The following NECTIN1 variants were observed in gnomAD, a reference collection of about 807,000 sequenced individuals.
NECTIN1 encodes the protein nectin cell adhesion molecule 1.
NECTIN1 carries 23 observed loss-of-function variants against 48.0 expected under a neutral mutation model. The ratio of observed to expected loss-of-function variants is 0.48; its 90% CI spans 0.34 to 0.68. The LOEUF is 0.68. Ranked by LOEUF, NECTIN1 falls within the 30% of genes least tolerant of loss-of-function variation. The pLI is 0.01. For synonymous variants in NECTIN1, 270 were observed against 288.9 expected (o/e 0.93, Z 0.66); for missense variants, 591 against 709.9 (o/e 0.83, Z 1.90).
At chr11:119,686,771 C>T (rs1460461455) in intron 1 of NECTIN1, among the ~76,000 whole-genome samples, 1 of 152,196 alleles carries the variant, frequency 6.6e-6, no homozygotes, top group African/African-American at 2.4e-5. Context: ...GGGAGGCTTC[C>T]CGGAGCCCTC....
At position 119,725,905 on chromosome 11, in the gene NECTIN1, C is replaced by G. The variant is rs1865900810; in HGVS notation, c.79+2570G>C. On this transcript the variant is annotated intron_variant, in intron 1 of 5. Transcript: ENST00000264025. ...TGCCTCCTCCTAGGGCTCCCCCTAT[C>G]TCTTTTTGGGATGTAACCCACCTGC... is the stretch of plus-strand genomic sequence containing the variant. Among the ~76,000 whole-genome samples the G allele has an allele frequency of 2.0e-5, 3 of 152,184 alleles. No individual in the cohort carries two copies. In the South Asian group the frequency reaches 6.2e-4, roughly 32 times the overall value.
chr11:119,692,084 T>G (rs948909092), intron 1 of NECTIN1, among the ~76,000 whole-genome samples: 3 of 136,736 alleles, frequency 2.2e-5, no homozygotes, highest in African/African-American at 8.4e-5. Context: ...GGTGTCAGAG[T>G]TTCGAGAGTG....
chr11:119,708,179 A>G (rs1401886785), intron 1 of NECTIN1, among the ~76,000 whole-genome samples: 1 of 152,220 alleles, frequency 6.6e-6, no homozygotes, highest in Non-Finnish European at 1.5e-5. Flanking sequence ...CTGCAGGATA[A>G]GCAGGAGTCC....
intron 1 of NECTIN1, among the ~76,000 whole-genome samples, chr11:119,695,496 G>C (rs906960453): frequency 2.6e-5 from 4 of 152,172 alleles, no homozygotes; most frequent in Admixed American, 2.0e-4. Context: ...CGACGTCCCA[G>C]CACACAGCCT....
rs1469837490 is a variant in NECTIN1 at position 119,709,130 on chromosome 11, C to A, written c.79+19345G>T. On this transcript the variant is annotated intron_variant, in intron 1 of 5. Transcript: ENST00000264025. This position sits in a 1 kb window ranked among gnomAD's most constrained non-coding sequence, Gnocchi z 4.1. ...TGGGACCAGAGCGACAGACGGTCAC[C>A]TGACAAGCCACACCACCTATTTTTG... 2.0e-5 allele frequency among the ~76,000 whole-genome samples: 3 copies of A among 152,218 alleles called. No individual in the cohort carries two copies. Among genetic ancestry groups the A allele is most frequent in the African/African-American group, 7.2e-5 (3 of 41,540 alleles).
At position 119,727,506 on chromosome 11, in the gene NECTIN1, G is replaced by T. The variant is rs1865929245; in HGVS notation, c.79+969C>A. On this transcript the variant is annotated intron_variant, in intron 1 of 5. Coordinates refer to ENST00000264025, the MANE Select transcript of NECTIN1 (RefSeq NM_002855.5). This position sits in a 1 kb window ranked among gnomAD's most constrained non-coding sequence, Gnocchi z 4.1. ...CGCTTGGTGTCCAGTCAGCCGGCGA[G>T]CTCGGCAGCTTCCCCAGGGACACAA... Among the ~76,000 whole-genome samples, 1 of 152,196 alleles carries T rather than the reference G, an allele frequency of 6.6e-6. No individual in the cohort carries two copies. Among genetic ancestry groups the T allele is most frequent in the Non-Finnish European group, 1.5e-5 (1 of 68,036 alleles).
intron 1 of NECTIN1, among the ~76,000 whole-genome samples, chr11:119,724,300 A>G (rs996334320): frequency 1.1e-4 from 16 of 152,164 alleles, no homozygotes; most frequent in African/African-American, 3.9e-4. Context: ...GCCAGGCCCC[A>G]GGTAATGCCA....
chr11:119,661,057 A>AT lies in NECTIN1; in HGVS notation c.*3689dup, dbSNP rs762234334. On this transcript the variant is annotated 3_prime_UTR_variant, in exon 6 of 6. Coordinates refer to ENST00000264025, the MANE Select transcript of NECTIN1 (RefSeq NM_002855.5). ...ATCCTCAGTACATTTTCAACCCATC[A>AT]TTTTTTTTTAATACAAGTAAAAGGG... 243 of 971,904 alleles carry AT rather than the reference A, an allele frequency of 2.5e-4. No homozygotes were observed. Among genetic ancestry groups the AT allele is most frequent in the East Asian group, 9.2e-4 (8 of 8,720 alleles). The allele number at this position is 971,904 out of a possible 1,614,324, so 60.2% of individuals were successfully genotyped here. A position where few individuals can be genotyped will look rare whatever the true frequency, so the allele number is the denominator to read the frequency against.
Position 119,663,052 on chromosome 11 carries a change from G to A in NECTIN1, c.*1695C>T. ...GGGAGGGGTTGGGGGGCTCCCTTAG[G>A]AAGCCTATGGCAGGGTGGGTCAGTG... On this transcript the variant is annotated 3_prime_UTR_variant, in exon 6 of 6. Transcript: ENST00000264025. 4 of 985,186 alleles carry A rather than the reference G, an allele frequency of 4.1e-6. No individual in the cohort carries two copies. Among genetic ancestry groups the A allele is most frequent in the Non-Finnish European group, 4.8e-6 (4 of 829,832 alleles). 61.0% of individuals were successfully genotyped at this position (985,186 alleles called of 1,614,324 possible).
At chr11:119,691,685 C>T (rs558915092) in intron 1 of NECTIN1, among the ~76,000 whole-genome samples, 166 of 152,330 alleles carry the variant, frequency 1.1e-3, no homozygotes, top group African/African-American at 3.8e-3. Flanking sequence ...AGCAGTAGGA[C>T]CTATGAACAA....
In NECTIN1 at chr11:119,638,303, G is replaced by A. The variant is rs932177173; in HGVS notation, c.1228-56C>T. ...ACCTTTCCATGCCCCTGCTCCAGGT[G>A]GCCCTCATGGACTCCCAGTTGGATT... On this transcript the variant is annotated intron_variant, in intron 7 of 7. Coordinates refer to the NECTIN1 transcript ENST00000341398. 35 of 1,604,542 alleles carry A rather than the reference G, an allele frequency of 2.2e-5. No homozygotes were observed. The African/African-American group carries it at 4.4e-4, about 20-fold the overall frequency.
In NECTIN1 at chr11:119,665,429, A is replaced by G. The variant is rs1591449591; in HGVS notation, c.1004-132T>C. The G allele has an allele frequency of 7.0e-7, 1 of 1,423,094 alleles. No homozygotes were observed. The highest frequency in any genetic ancestry group is 2.5e-5 in the East Asian group (1 of 40,214). The allele number at this position is 1,423,094 out of a possible 1,614,324, so 88.2% of individuals were successfully genotyped here. ...CTGCACCCCAGGTTTGAGCAGCTCC[A>G]GTTCGAGGCCCCGCAGCACTCCACC... On this transcript the variant is annotated intron_variant, in intron 5 of 5. Coordinates refer to ENST00000264025, the MANE Select transcript of NECTIN1 (RefSeq NM_002855.5). The surrounding 1 kb of genome is among the most constrained non-coding windows in gnomAD (Gnocchi z 5.1).
chr11:119,642,050 G>A (rs1476573479), intron 5 of NECTIN1: 1 of 152,232 alleles, frequency 6.6e-6, no homozygotes, highest in Non-Finnish European at 1.5e-5. Context: ...CTTTTCTACA[G>A]ACTGTGATTG....
chr11:119,677,052 G>C lies in NECTIN1; in HGVS notation c.851+50C>G. The C allele has an allele frequency of 1.3e-6, 2 of 1,489,716 alleles. No individual in the cohort carries two copies. Among genetic ancestry groups the C allele is most frequent in the East Asian group, 4.5e-5 (2 of 44,278 alleles). 92.3% of individuals were successfully genotyped at this position (1,489,716 alleles called of 1,614,324 possible). A position where few individuals can be genotyped will look rare whatever the true frequency, so the allele number is the denominator to read the frequency against. The stretch of plus-strand genomic sequence containing the variant: ...AGGATGGTTGCCCCTCATCACCCGT[G>C]GTCCAGTCAGCTGTCTTCCAAGGTG... On this transcript the variant is annotated intron_variant, in intron 4 of 5. Coordinates refer to ENST00000264025, the MANE Select transcript of NECTIN1 (RefSeq NM_002855.5). This position sits in a 1 kb window ranked among gnomAD's most constrained non-coding sequence, Gnocchi z 5.4.
chr11:119,669,756 C>G (rs1864836677), intron 5 of NECTIN1, among the ~76,000 whole-genome samples: 1 of 152,098 alleles, frequency 6.6e-6, no homozygotes, highest in East Asian at 1.9e-4. Context: ...TGCCCTGCCC[C>G]CTGAAAGCCA....
rs73573186 is a variant in NECTIN1, at chr11:119,662,648, A to C, written c.*2099T>G. 3.5e-4 allele frequency: 345 copies of C among 985,538 alleles called. No individual in the cohort carries two copies. The African/African-American group carries it at 5.7e-3, about 16-fold the overall frequency. 61.0% of individuals were successfully genotyped at this position (985,538 alleles called of 1,614,324 possible). Reference sequence around the variant, plus strand: ...GGGATTGCCTCCTGCCTGGGGGAAAAGGGGACCAAGCAGAGGGGCCAGAGT... The same window carrying C: ...GGGATTGCCTCCTGCCTGGGGGAAACGGGGACCAAGCAGAGGGGCCAGAGT... On this transcript the variant is annotated 3_prime_UTR_variant, in exon 6 of 6. Coordinates refer to ENST00000264025, the MANE Select transcript of NECTIN1 (RefSeq NM_002855.5). This position sits in a 1 kb window ranked among gnomAD's most constrained non-coding sequence, Gnocchi z 5.3.
chr11:119,691,303 C>T (rs1470319859), intron 1 of NECTIN1, among the ~76,000 whole-genome samples: 1 of 152,238 alleles, frequency 6.6e-6, no homozygotes, highest in Non-Finnish European at 1.5e-5. Flanking sequence ...TCCTCTGGAG[C>T]TCCAGGTCTA....
At position 119,683,437 on chromosome 11, in the gene NECTIN1, T is replaced by A. The variant is rs1865095013; in HGVS notation, c.80-4672A>T. On this transcript the variant is annotated intron_variant, in intron 1 of 5. Transcript: ENST00000264025. The surrounding 1 kb of genome is among the most constrained non-coding windows in gnomAD (Gnocchi z 4.0). Reference sequence around the variant, plus strand: ...TCTGGGTGGTGTCCCTCCTAGAATATAACCTCAGTGCCTCCATTGCCCCTT... The same window carrying A: ...TCTGGGTGGTGTCCCTCCTAGAATAAAACCTCAGTGCCTCCATTGCCCCTT... Among the ~76,000 whole-genome samples, 1 of 152,028 alleles carries A rather than the reference T, an allele frequency of 6.6e-6. No individual in the cohort carries two copies. The highest frequency in any genetic ancestry group is 2.1e-4 in the South Asian group (1 of 4,822).
intron 1 of NECTIN1, among the ~76,000 whole-genome samples, chr11:119,719,734 C>T (rs1865797460): frequency 6.6e-6 from 1 of 152,200 alleles, no homozygotes; most frequent in Non-Finnish European, 1.5e-5. Flanking sequence ...CAAGCCTCAT[C>T]AGCAATGGAG....
Sources: gnomAD v4.1 joint callset for allele counts (sites outside exome capture counted in the v4.1 genomes callset) on GRCh38, gnomAD v4.1.1 for gene constraint, Gnocchi (gnomAD v3.1) non-coding constraint, MANE v1.5 for transcripts, NCBI Gene and HGNC (gene_info 2026-07-23, HGNC 2026-07-21) for gene names.